SLC22A23: variants seen among roughly 807,000 people sequenced by gnomAD.
The protein encoded by SLC22A23 is ion transporter protein.
Under a neutral mutation model 61.0 loss-of-function variants are expected in SLC22A23, and 26 were observed. The observed-to-expected ratio is 0.43, with a 90% confidence interval of 0.31 to 0.59. The LOEUF is 0.59. Among genes scored for constraint, SLC22A23 ranks in the 20% least tolerant of loss-of-function variants. The pLI is 0.11. For missense variants in SLC22A23, 796 were observed against 934.7 expected (o/e 0.85, Z 1.94); for synonymous variants, 430 against 413.9 (o/e 1.04, Z -0.47).
chr6:3,406,520 G>A (rs866196166), intron 3 of SLC22A23, among the ~76,000 whole-genome samples: 17 of 126,186 alleles, frequency 1.3e-4, no homozygotes, highest in African/African-American at 4.4e-4. Flanking sequence ...TCAGTTTTTC[G>A]ACTGCCTGTG....
At chr6:3,407,622 T>G (rs1016174685) in intron 3 of SLC22A23, among the ~76,000 whole-genome samples, 3 of 152,270 alleles carry the variant, frequency 2.0e-5, no homozygotes, top group African/African-American at 7.2e-5. Context: ...CACAGCCCTT[T>G]GGTTTAGTTT....
At chr6:3,378,556 G>T (rs1766732922) in intron 3 of SLC22A23, among the ~76,000 whole-genome samples, 2 of 151,942 alleles carry the variant, frequency 1.3e-5, no homozygotes, top group Admixed American at 1.3e-4. Context: ...GCATTAGACT[G>T]GAAGTCTAAG....
chr6:3,453,705 A>G (rs914093235), intron 1 of SLC22A23, among the ~76,000 whole-genome samples: 1 of 152,254 alleles, frequency 6.6e-6, no homozygotes, highest in Non-Finnish European at 1.5e-5. Context: ...TGAAGACAGC[A>G]TGAGGCTTAT....
intron 4 of SLC22A23, among the ~76,000 whole-genome samples, chr6:3,315,650 G>A (rs1260609788): frequency 1.3e-5 from 2 of 152,110 alleles, no homozygotes; most frequent in Non-Finnish European, 2.9e-5. Context: ...CGGATCACTA[G>A]GTCAGAGATC....
At chr6:3,453,515 A>G (rs907584561) in intron 1 of SLC22A23, among the ~76,000 whole-genome samples, 1 of 152,156 alleles carries the variant, frequency 6.6e-6, no homozygotes, top group African/African-American at 2.4e-5. Context: ...AACTGGCTTG[A>G]CAGTTTCACG....
At chr6:3,365,270 C>A (rs1248401320) in intron 3 of SLC22A23, among the ~76,000 whole-genome samples, 1 of 152,158 alleles carries the variant, frequency 6.6e-6, no homozygotes, top group African/African-American at 2.4e-5. Flanking sequence ...TGCAGTGAGC[C>A]AAGATCACGC....
Position 3,456,720 on chromosome 6 carries a change from C to T in SLC22A23, c.-161G>A. 3.0e-6 allele frequency: 1 copy of T among 330,668 alleles called. No individual in the cohort carries two copies. Among genetic ancestry groups the T allele is most frequent in the South Asian group, 1.2e-4 (1 of 8,496 alleles). 20.5% of individuals were successfully genotyped at this position (330,668 alleles called of 1,614,324 possible). A position where few individuals can be genotyped will look rare whatever the true frequency, so the allele number is the denominator to read the frequency against. On this transcript the variant is annotated 5_prime_UTR_variant, in exon 1 of 10. Coordinates refer to ENST00000406686, the MANE Select transcript of SLC22A23 (RefSeq NM_015482.2). The surrounding 1 kb of genome is among the most constrained non-coding windows in gnomAD (Gnocchi z 7.1). ...CGGCGGCTCCGGGTGCGTCAGGCCGCCCCCATGTCACCCGCCGGACCCCGC... is the reference window on the plus strand; with the variant it reads ...CGGCGGCTCCGGGTGCGTCAGGCCGTCCCCATGTCACCCGCCGGACCCCGC...
chr6:3,429,005 C>T (rs898007078), intron 1 of SLC22A23, among the ~76,000 whole-genome samples: 1 of 152,214 alleles, frequency 6.6e-6, no homozygotes, highest in Admixed American at 6.5e-5. Flanking sequence ...CGGAAACCCT[C>T]TCCCTCCTAC....
chr6:3,392,038 C>G (rs72844621), intron 3 of SLC22A23, among the ~76,000 whole-genome samples: 15,105 of 152,048 alleles, frequency 0.099, 844 homozygotes, highest in Middle Eastern at 0.14. Flanking sequence ...GCTGTTAGAG[C>G]GTGTGGCAAA....
rs1758379707 is a variant in SLC22A23 at position 3,270,067 on chromosome 6, AAAAG to A, written c.*2984_*2987del. 6.6e-6 allele frequency: 1 copy of A among 152,466 alleles called. No homozygotes were observed. The highest frequency in any genetic ancestry group is 1.5e-5 in the Non-Finnish European group (1 of 68,052). The allele number at this position is 152,466 out of a possible 1,614,324, so 9.4% of individuals were successfully genotyped here. The stretch of plus-strand genomic sequence containing the variant: ...CATTTGATAAGAGTTTGACTTCAGA[AAAAG>A]AACAAAGTGAAGAAATGTTCAGCTC... On this transcript the variant is annotated 3_prime_UTR_variant, in exon 10 of 10. Coordinates refer to ENST00000406686, the MANE Select transcript of SLC22A23 (RefSeq NM_015482.2).
At chr6:3,394,980 C>T (rs1333955153) in intron 3 of SLC22A23, among the ~76,000 whole-genome samples, 1 of 152,196 alleles carries the variant, frequency 6.6e-6, no homozygotes, top group Non-Finnish European at 1.5e-5. Context: ...TGATGAAAAG[C>T]AGGCACCAAG....
chr6:3,279,131 G>A (rs1759180893), intron 9 of SLC22A23, among the ~76,000 whole-genome samples: 1 of 152,064 alleles, frequency 6.6e-6, no homozygotes, highest in South Asian at 2.1e-4. Flanking sequence ...TACATAATAT[G>A]CAACAAATGT....
intron 1 of SLC22A23, among the ~76,000 whole-genome samples, chr6:3,422,222 T>A (rs983886584): frequency 6.6e-6 from 1 of 152,108 alleles, no homozygotes; most frequent in African/African-American, 2.4e-5. Context: ...TCAGCATTTT[T>A]CCCCCCTAAA....
intron 3 of SLC22A23, among the ~76,000 whole-genome samples, chr6:3,367,874 C>T (rs1561929886): frequency 6.6e-6 from 1 of 152,192 alleles, no homozygotes; most frequent in Admixed American, 6.5e-5. Flanking sequence ...GGAAAAACCC[C>T]GACACTGGAC....
chr6:3,305,431 T>C (rs938626144), intron 4 of SLC22A23, among the ~76,000 whole-genome samples: 1 of 152,198 alleles, frequency 6.6e-6, no homozygotes, highest in Non-Finnish European at 1.5e-5. Context: ...AAAGGGTATG[T>C]GTAGGGAATA....
In SLC22A23 at chr6:3,388,669, T is replaced by C. The variant is rs1040375770; in HGVS notation, c.913+21519A>G. ...AGCAACTCAAGTCTCCATCAACTGA[T>C]GAATGGATAAGCAAAATGCGGTCCA... On this transcript the variant is annotated intron_variant, in intron 3 of 9. Coordinates refer to ENST00000406686, the MANE Select transcript of SLC22A23 (RefSeq NM_015482.2). Among the ~76,000 whole-genome samples, 10 of 152,188 alleles carry C rather than the reference T, an allele frequency of 6.6e-5. No homozygotes were observed. The East Asian group carries it at 1.7e-3, about 26-fold the overall frequency.
At chr6:3,300,234 C>T (rs13206930) in intron 4 of SLC22A23, among the ~76,000 whole-genome samples, 13,028 of 151,962 alleles carry the variant, frequency 0.086, 762 homozygotes, top group East Asian at 0.24. Context: ...TGGTCTCGAA[C>T]GCCTGACCTC....
chr6:3,364,251 C>T (rs760113931), intron 3 of SLC22A23, among the ~76,000 whole-genome samples: 51 of 152,314 alleles, frequency 3.3e-4, no homozygotes, highest in Non-Finnish European at 6.3e-4. Context: ...AAAACCTCTC[C>T]ATGCAGGTGA....
intron 1 of SLC22A23, among the ~76,000 whole-genome samples, chr6:3,443,674 C>T (rs1771732980): frequency 6.6e-6 from 1 of 152,230 alleles, no homozygotes; most frequent in Admixed American, 6.5e-5. Flanking sequence ...CATATCCTGT[C>T]ACACCGTTTG....
Sources: allele counts gnomAD v4.1 joint callset (sites outside exome capture counted in the v4.1 genomes callset), GRCh38; gene constraint gnomAD v4.1.1; non-coding constraint Gnocchi (gnomAD v3.1); transcripts MANE v1.5; gene names NCBI Gene and HGNC (gene_info 2026-07-23, HGNC 2026-07-21).